Variants in SRBD1 observed in about 807,000 individuals in gnomAD.
SRBD1 encodes S1 RNA binding domain 1.
Under a neutral mutation model 115.3 loss-of-function variants are expected in SRBD1, and 88 were observed. The observed-to-expected ratio is 0.76, with a 90% CI of 0.64 to 0.91. SRBD1 has a LOEUF of 0.91. SRBD1 is among the 40% of genes least tolerant of loss of function. The pLI, the probability that SRBD1 is intolerant of heterozygous loss-of-function variation, is 0.00. For synonymous variants in SRBD1, 509 were observed against 407.7 expected, an observed-to-expected ratio of 1.25 and a Z score of -2.99; for missense variants, 1,385 against 1,177.4, an observed-to-expected ratio of 1.18 and a Z score of -2.58.
chr2:45,492,583 C>A (rs1039862680), intron 14 of SRBD1, among the ~76,000 whole-genome samples: 5 of 152,234 alleles, frequency 3.3e-5, no homozygotes, highest in Non-Finnish European at 5.9e-5. Flanking sequence ...GGACTACAGG[C>A]GCCCGCCACC....
intron 17 of SRBD1, 131 bp from the exon 18 acceptor site, chr2:45,418,672 A>T: frequency 1.0e-5 from 6 of 574,438 alleles, no homozygotes; most frequent in African/African-American, 2.9e-5. Flanking sequence ...TCCAAAAGGG[A>T]GTTTAAAAAA....
rs1164913849 is a variant in SRBD1 at position 45,573,358 on chromosome 2, A to G, written c.1170-16T>C. ...CTTCTGGCACCTGTTCAGATACACA[A>G]GTGTTCAAAAAACAAGCAGTTATTA... is the stretch of plus-strand genomic sequence containing the variant. On this transcript the variant is annotated splice_polypyrimidine_tract_variant and intron_variant, in intron 8 of 20. Transcript: ENST00000263736. The G allele has an allele frequency of 6.3e-7, 1 of 1,593,746 alleles. No homozygotes were observed. Among genetic ancestry groups the G allele is most frequent in the East Asian group, 2.3e-5 (1 of 43,880 alleles).
intron 14 of SRBD1, among the ~76,000 whole-genome samples, chr2:45,508,799 GATA>G (rs1441398374): frequency 2.0e-5 from 3 of 151,984 alleles, no homozygotes; most frequent in Non-Finnish European, 2.9e-5. Flanking sequence ...AATTGCTAAA[GATA>G]ATAAATGATT....
intron 14 of SRBD1, among the ~76,000 whole-genome samples, chr2:45,495,084 G>T (rs1323863121): frequency 6.6e-6 from 1 of 152,110 alleles, no homozygotes; most frequent in Non-Finnish European, 1.5e-5. Context: ...CTCCAGGATG[G>T]ACATCCTATC....
intron 14 of SRBD1, among the ~76,000 whole-genome samples, chr2:45,545,793 G>A (rs1349601107): frequency 6.6e-6 from 1 of 152,170 alleles, no homozygotes; most frequent in Non-Finnish European, 1.5e-5. Context: ...GTTACCCTGA[G>A]TTTGTTTTTC....
intron 16 of SRBD1, among the ~76,000 whole-genome samples, chr2:45,441,500 T>G (rs1323406295): frequency 6.6e-6 from 1 of 152,228 alleles, no homozygotes; most frequent in Non-Finnish European, 1.5e-5. Context: ...TTTATTTCCT[T>G]AAGTACTGGT....
rs535998479 is a variant in SRBD1, at chr2:45,605,537, G to T, written c.1-96C>A. 68 of 1,143,156 alleles carry T rather than the reference G, an allele frequency of 5.9e-5. 2 individuals carry two copies. In the South Asian group the frequency reaches 8.7e-4, roughly 15 times the overall value. The allele number at this position is 1,143,156 out of a possible 1,614,324, so 70.8% of individuals were successfully genotyped here. On this transcript the variant is annotated intron_variant, in intron 1 of 20. Coordinates refer to ENST00000263736, the MANE Select transcript of SRBD1 (RefSeq NM_018079.5). ...GGTCATTCAAAACTAACATTTCATA[G>T]GAAAAAAACAAAAACAATGATGTTT...
intron 15 of SRBD1, among the ~76,000 whole-genome samples, chr2:45,481,561 A>C (rs895669857): frequency 2.0e-5 from 3 of 152,174 alleles, no homozygotes; most frequent in Non-Finnish European, 4.4e-5. Flanking sequence ...GAAGTCAAAA[A>C]GATTTCTGGA....
intron 16 of SRBD1, among the ~76,000 whole-genome samples, chr2:45,453,871 T>G (rs1219334575): frequency 6.6e-6 from 1 of 152,018 alleles, no homozygotes; most frequent in Non-Finnish European, 1.5e-5. Context: ...TTCTGCTCAT[T>G]TTCCTCTTCT....
rs185650281 is a variant in SRBD1 at position 45,541,206 on chromosome 2, C to A, written c.1874+5526G>T. Reference sequence around the variant, plus strand: ...AAGGCTGTGGCTGGACCAGATATATCACATGCAACTACCACTGCAGACACC... The same window carrying A: ...AAGGCTGTGGCTGGACCAGATATATAACATGCAACTACCACTGCAGACACC... On this transcript the variant is annotated intron_variant, in intron 14 of 20. Coordinates refer to ENST00000263736, the MANE Select transcript of SRBD1 (RefSeq NM_018079.5). Among the ~76,000 whole-genome samples the A allele has an allele frequency of 1.7e-3, 261 of 152,334 alleles. 1 individual carries two copies. The highest frequency in any genetic ancestry group is 6.0e-3 in the African/African-American group (250 of 41,588).
At position 45,503,999 on chromosome 2, in the gene SRBD1, A is replaced by G. The variant is rs541645620; in HGVS notation, c.1875-15668T>C. On this transcript the variant is annotated intron_variant, in intron 14 of 20. Coordinates refer to ENST00000263736, the MANE Select transcript of SRBD1 (RefSeq NM_018079.5). ...TCAGTCTTGAGTTATATAAAGCCCT[A>G]AGCAAGAAGCTTTCTTTACTGAAGA... Among the ~76,000 whole-genome samples the G allele has an allele frequency of 3.3e-5, 5 of 152,260 alleles. No individual in the cohort carries two copies. In the East Asian group the frequency reaches 9.6e-4, roughly 29 times the overall value.
chr2:45,476,840 C>T (rs951530178), intron 16 of SRBD1, among the ~76,000 whole-genome samples, 153 bp downstream of exon 16: 1 of 152,162 alleles, frequency 6.6e-6, no homozygotes, highest in African/African-American at 2.4e-5. Context: ...TAATTCCCTC[C>T]TTCCCTGATG....
intron 15 of SRBD1, among the ~76,000 whole-genome samples, chr2:45,487,007 A>C (rs911355882): frequency 2.0e-5 from 3 of 152,278 alleles, no homozygotes; most frequent in African/African-American, 2.4e-5. Context: ...CTGTGCTAAG[A>C]AGCAGCTTCC....
At chr2:45,409,831 A>C (rs928701828) in intron 19 of SRBD1, among the ~76,000 whole-genome samples, 8 of 152,206 alleles carry the variant, frequency 5.3e-5, no homozygotes, top group African/African-American at 1.9e-4. Flanking sequence ...TGAAAGCTAA[A>C]AGACACAGCT....
rs183699379 is a variant in SRBD1, at chr2:45,588,535, A to T, written c.649-2761T>A. On this transcript the variant is annotated intron_variant, in intron 4 of 20. Transcript: ENST00000263736. Reference sequence around the variant, plus strand: ...TCATCTACCACAGAAACCTTAGGAGATACTGTGGTTATCTCCCATAATACT... The same window carrying T: ...TCATCTACCACAGAAACCTTAGGAGTTACTGTGGTTATCTCCCATAATACT... 2.0e-5 allele frequency among the ~76,000 whole-genome samples: 3 copies of T among 152,170 alleles called. No individual in the cohort carries two copies. In the East Asian group the frequency reaches 5.8e-4, roughly 29 times the overall value.
chr2:45,573,766 A>G (rs1259879733), intron 8 of SRBD1, among the ~76,000 whole-genome samples: 2 of 152,252 alleles, frequency 1.3e-5, no homozygotes, highest in East Asian at 3.8e-4. Flanking sequence ...TATAATACTG[A>G]ACCAAATTTA....
chr2:45,451,040 A>G (rs942534921), intron 16 of SRBD1, among the ~76,000 whole-genome samples: 4 of 152,118 alleles, frequency 2.6e-5, no homozygotes, highest in African/African-American at 9.7e-5. Context: ...CATTTTCACA[A>G]CATCAAGGAC....
intron 10 of SRBD1, among the ~76,000 whole-genome samples, chr2:45,557,230 G>A (rs2104082007): frequency 6.6e-6 from 1 of 152,314 alleles, no homozygotes; most frequent in South Asian, 2.1e-4. Flanking sequence ...CAAAGCTATG[G>A]AGCCTGACGA....
At chr2:45,589,510 C>A (rs1003158806) in intron 4 of SRBD1, among the ~76,000 whole-genome samples, 1 of 152,180 alleles carries the variant, frequency 6.6e-6, no homozygotes, top group Non-Finnish European at 1.5e-5. Context: ...CATTTTGGAA[C>A]TGTGTGATTG....
Sources: allele counts gnomAD v4.1 joint callset (sites outside exome capture counted in the v4.1 genomes callset), GRCh38; gene constraint gnomAD v4.1.1; transcripts MANE v1.5; gene names NCBI Gene and HGNC (gene_info 2026-07-23, HGNC 2026-07-21).